Variants in MECR observed in about 807,000 individuals in gnomAD.
MECR encodes enoyl-[acyl-carrier-protein] reductase, mitochondrial.
Under a neutral mutation model 49.1 loss-of-function variants are expected in MECR, and 37 were observed. That is an observed-to-expected ratio of 0.75 (90% confidence interval 0.58 to 0.99). MECR has a LOEUF of 0.99. Among genes scored for constraint, MECR ranks in the 50% least tolerant of loss-of-function variants. The probability of loss-of-function intolerance (pLI) is 0.00; values close to 1 mark genes in which losing one functional copy is unlikely to be tolerated. For missense variants in MECR, 470 were observed against 479.6 expected, an observed-to-expected ratio of 0.98 and a Z score of 0.19; for synonymous variants, 198 against 191.1, an observed-to-expected ratio of 1.04 and a Z score of -0.30.
At position 29,193,680 on chromosome 1, in the gene MECR, A is replaced by C; in HGVS notation, c.*342T>G. The C allele has an allele frequency of 3.9e-6, 1 of 255,640 alleles. No homozygotes were observed. Among genetic ancestry groups the C allele is most frequent in the South Asian group, 4.7e-5 (1 of 21,164 alleles). 15.8% of individuals were successfully genotyped at this position (255,640 alleles called of 1,614,324 possible). A position where few individuals can be genotyped will look rare whatever the true frequency, so the allele number is the denominator to read the frequency against. ...ACTGGCCTTTGCACTGCCAGTACCCACCCAGGCTTTGCTTTCAGGGTGGTC... is the reference window on the plus strand; with the variant it reads ...ACTGGCCTTTGCACTGCCAGTACCCCCCCAGGCTTTGCTTTCAGGGTGGTC... On this transcript the variant is annotated 3_prime_UTR_variant, in exon 10 of 10. Transcript: ENST00000263702.
intron 3 of MECR, among the ~76,000 whole-genome samples, chr1:29,211,679 T>A (rs1479562790): frequency 6.8e-6 from 1 of 146,572 alleles, no homozygotes; most frequent in Non-Finnish European, 1.5e-5. Flanking sequence ...TTAAATTAGG[T>A]CATACAGCGG....
chr1:29,180,344 G>T, the MECR span, among the ~76,000 whole-genome samples: 7 of 152,168 alleles, frequency 4.6e-5, no homozygotes, highest in African/African-American at 1.7e-4. Context: ...ACGTTTTACT[G>T]TAGAAAAGGA....
intron 2 of MECR, 119 bp downstream of exon 2, chr1:29,216,469 T>A: frequency 9.4e-7 from 1 of 1,061,698 alleles, no homozygotes. Context: ...AGACGGCTCA[T>A]CTGGAGAACA....
the MECR span, among the ~76,000 whole-genome samples, chr1:29,182,329 G>C: frequency 6.6e-6 from 1 of 152,198 alleles, no homozygotes; most frequent in Non-Finnish European, 1.5e-5. Context: ...AAAAGGGGGA[G>C]AGTAGTTCCT....
intron 5 of MECR, 66 bp downstream of exon 5, chr1:29,203,065 C>A: frequency 7.4e-7 from 1 of 1,359,372 alleles, no homozygotes; most frequent in Non-Finnish European, 1.0e-6. Context: ...CAACTGGGCA[C>A]CGCAGGGATG....
At chr1:29,230,664 C>A (rs1344039658) in intron 1 of MECR, 67 bp downstream of exon 1, 6 of 1,523,306 alleles carry the variant, frequency 3.9e-6, no homozygotes, top group Non-Finnish European at 5.3e-6. Flanking sequence ...TCTTCCCAGT[C>A]CGCAGCTCGT....
chr1:29,172,899 G>T, the MECR span: 25 of 152,016 alleles, frequency 1.6e-4, no homozygotes, highest in Admixed American at 1.3e-4. Context: ...GAATGGTTGG[G>T]TAAGTCATAA....
chr1:29,207,017 AAGCATCCAGGAT>A (rs1436707921), intron 3 of MECR, 112 bp from the exon 4 acceptor site: 22 of 1,155,074 alleles, frequency 1.9e-5, no homozygotes, highest in African/African-American at 9.2e-5. Context: ...CATCCACTGG[AAGCATCCAGGAT>A]AGCATCCAGG....
chr1:29,191,357 G>A (rs1371435097), downstream of MECR, among the ~76,000 whole-genome samples: 1 of 151,442 alleles, frequency 6.6e-6, no homozygotes, highest in East Asian at 1.9e-4. Flanking sequence ...AGGCTGAAGT[G>A]CAGTGGCGTG....
Position 29,194,001 on chromosome 1 carries a change from A to C in MECR, c.*21T>G. 3 of 1,613,320 alleles carry C rather than the reference A, an allele frequency of 1.9e-6. No homozygotes were observed. The highest frequency in any genetic ancestry group is 2.5e-6 in the Non-Finnish European group (3 of 1,179,834). On this transcript the variant is annotated 3_prime_UTR_variant, in exon 10 of 10. Transcript: ENST00000263702. Reference sequence around the variant, plus strand: ...TCAGATCCGCCTCCCCTCCCATGTCACTCCAGCTCTTTTGGGATGATCACA... The same window carrying C: ...TCAGATCCGCCTCCCCTCCCATGTCCCTCCAGCTCTTTTGGGATGATCACA...
At chr1:29,170,268 G>GA in the MECR span, 1 of 152,120 alleles carries the variant, frequency 6.6e-6, no homozygotes. Context: ...CTCGAGAGAT[G>GA]AAAGTCACAT....
chr1:29,221,600 C>T (rs911473574), intron 1 of MECR, among the ~76,000 whole-genome samples: 1 of 152,018 alleles, frequency 6.6e-6, no homozygotes, highest in Non-Finnish European at 1.5e-5. Context: ...TTCCATGTGG[C>T]GGGAGGGAAG....
downstream of MECR, among the ~76,000 whole-genome samples, chr1:29,190,385 G>A (rs539753946): frequency 2.2e-4 from 33 of 151,914 alleles, no homozygotes; most frequent in African/African-American, 7.7e-4. Context: ...AAAAAAAACC[G>A]TAGTCAAAGA....
chr1:29,180,164 C>G, the MECR span, among the ~76,000 whole-genome samples: 3 of 152,188 alleles, frequency 2.0e-5, no homozygotes, highest in African/African-American at 7.2e-5. Context: ...GTGGTGGAAC[C>G]AGGATTTGAC....
chr1:29,212,184 C>A (rs1201490370), intron 3 of MECR, among the ~76,000 whole-genome samples: 1 of 152,152 alleles, frequency 6.6e-6, no homozygotes, highest in Admixed American at 6.5e-5. Context: ...TTTGGGAGGC[C>A]GAGGCGGGCA....
At chr1:29,189,674 G>A (rs1159799809), downstream of MECR, among the ~76,000 whole-genome samples, 2 of 152,024 alleles carry the variant, frequency 1.3e-5, no homozygotes, top group African/African-American at 4.8e-5. Flanking sequence ...GGGCGGGGTG[G>A]GCTTACCTAC....
At chr1:29,189,195 C>A (rs547231557), downstream of MECR, among the ~76,000 whole-genome samples, 69 of 144,656 alleles carry the variant, frequency 4.8e-4, no homozygotes, top group African/African-American at 1.9e-3. Flanking sequence ...CCTTGGCCCC[C>A]CAAAGTGCTG....
At chr1:29,188,401 T>C (rs1673068203), downstream of MECR, among the ~76,000 whole-genome samples, 2 of 151,896 alleles carry the variant, frequency 1.3e-5, no homozygotes, top group Admixed American at 6.6e-5. Flanking sequence ...ACAGGATTTC[T>C]CCATGTTGCT....
At chr1:29,190,786 C>G (rs1041139444), downstream of MECR, among the ~76,000 whole-genome samples, 6 of 143,916 alleles carry the variant, frequency 4.2e-5, no homozygotes, top group Non-Finnish European at 9.0e-5. Context: ...AAGACTCCAT[C>G]ATCTCTCCAA....
Sources: gnomAD v4.1 joint callset for allele counts (sites outside exome capture counted in the v4.1 genomes callset) on GRCh38, gnomAD v4.1.1 for gene constraint, MANE v1.5 for transcripts, NCBI Gene and HGNC (gene_info 2026-07-23, HGNC 2026-07-21) for gene names.